Variants in SENP1 observed in about 807,000 individuals in gnomAD.
SENP1 encodes the protein SUMO specific peptidase 1.
Under a neutral mutation model 93.0 loss-of-function variants are expected in SENP1, and 21 were observed. The observed-to-expected ratio is 0.23, with a 90% CI of 0.16 to 0.33. The LOEUF (loss-of-function observed/expected upper bound fraction) is 0.33. Among genes scored for constraint, SENP1 ranks in the 10% least tolerant of loss-of-function variants. SENP1 has a pLI of 1.00. For missense variants in SENP1, 591 were observed against 758.7 expected, an observed-to-expected ratio of 0.78 and a Z score of 2.60; for synonymous variants, 256 against 259.6, an observed-to-expected ratio of 0.99 and a Z score of 0.13.
intron 13 of SENP1, among the ~76,000 whole-genome samples, chr12:48,054,083 G>A (rs1007520159): frequency 1.3e-5 from 2 of 152,140 alleles, no homozygotes; most frequent in African/African-American, 2.4e-5. Flanking sequence ...CGTAGGATAG[G>A]GCATAGAGGG....
At chr12:48,075,252 A>AAAAC (rs778649711) in intron 6 of SENP1, among the ~76,000 whole-genome samples, 1 of 152,038 alleles carries the variant, frequency 6.6e-6, no homozygotes, top group South Asian at 2.1e-4. Flanking sequence ...AAAACAAAAC[A>AAAAC]AAAATTATCA....
chr12:48,084,484 C>T (rs1368816673), intron 5 of SENP1, among the ~76,000 whole-genome samples: 3 of 120,228 alleles, frequency 2.5e-5, no homozygotes, highest in Non-Finnish European at 4.9e-5. Context: ...GAATCTTGCT[C>T]TGTCACTCAG....
chr12:48,085,917 GT>G (rs199882529), intron 5 of SENP1, among the ~76,000 whole-genome samples: 2 of 151,802 alleles, frequency 1.3e-5, no homozygotes, highest in South Asian at 4.2e-4. Flanking sequence ...GCCTATGCAT[GT>G]TTTTTTTAAC....
At chr12:48,058,325 G>A (rs183552053) in intron 13 of SENP1, among the ~76,000 whole-genome samples, 2 of 152,226 alleles carry the variant, frequency 1.3e-5, no homozygotes, top group East Asian at 3.9e-4. Context: ...CAATGTTGAC[G>A]TAGATAATTT....
intron 6 of SENP1, among the ~76,000 whole-genome samples, chr12:48,082,591 A>G (rs573406020): frequency 4.2e-4 from 64 of 151,842 alleles, no homozygotes; most frequent in Non-Finnish European, 7.5e-4. Flanking sequence ...GGTAATTATT[A>G]TTCATTTGTA....
At chr12:48,046,178 A>C (rs1014085632) in intron 17 of SENP1, among the ~76,000 whole-genome samples, 178 bp downstream of exon 17, 1 of 152,114 alleles carries the variant, frequency 6.6e-6, no homozygotes, top group Admixed American at 6.6e-5. Context: ...CTTATCACTA[A>C]TTTTCTTTCT....
intron 9 of SENP1, among the ~76,000 whole-genome samples, chr12:48,068,237 G>T (rs1169994035): frequency 6.6e-6 from 1 of 152,002 alleles, no homozygotes; most frequent in Non-Finnish European, 1.5e-5. Flanking sequence ...ATGGATCAAG[G>T]TATCCACTGG....
chr12:48,069,876 G>A (rs542072133), intron 9 of SENP1, among the ~76,000 whole-genome samples: 21 of 152,122 alleles, frequency 1.4e-4, no homozygotes, highest in Non-Finnish European at 3.1e-4. Context: ...AGAACATATG[G>A]GGAGCTGCAA....
At position 48,092,469 on chromosome 12, in the gene SENP1, C is replaced by G. The variant is rs75916302; in HGVS notation, c.221-3509G>C. Among the ~76,000 whole-genome samples the G allele has an allele frequency of 9.3e-3, 1,410 of 152,238 alleles. 19 individuals carry two copies. The highest frequency in any genetic ancestry group is 0.032 in the African/African-American group (1,329 of 41,542). On this transcript the variant is annotated intron_variant, in intron 4 of 17. Coordinates refer to ENST00000549518, the MANE Select transcript of SENP1 (RefSeq NM_001267594.2). The stretch of plus-strand genomic sequence containing the variant: ...AAAATATATATAGACCACTGACGTT[C>G]ACAGATTTAAATTCCTGATTTTTAG...
chr12:48,077,327 C>CA (rs969629684), intron 6 of SENP1, among the ~76,000 whole-genome samples: 7 of 152,168 alleles, frequency 4.6e-5, no homozygotes, highest in East Asian at 3.9e-4. Context: ...CGTGCAAATC[C>CA]AAAAAAATCA....
At chr12:48,057,941 C>CTTTTTTTTTTT (rs370210767) in intron 13 of SENP1, among the ~76,000 whole-genome samples, 2 of 85,684 alleles carry the variant, frequency 2.3e-5, no homozygotes, top group Non-Finnish European at 4.1e-5. Context: ...TTTATTTCCT[C>CTTTTTTTTTTT]TTTTTTTTTT....
chr12:48,092,892 G>C (rs753467509), intron 4 of SENP1, among the ~76,000 whole-genome samples: 12 of 152,116 alleles, frequency 7.9e-5, no homozygotes, highest in Non-Finnish European at 1.6e-4. Flanking sequence ...GAATATCAAG[G>C]GTTTACTAAA....
At chr12:48,055,817 T>C (rs1445281360) in intron 13 of SENP1, among the ~76,000 whole-genome samples, 2 of 145,020 alleles carry the variant, frequency 1.4e-5, no homozygotes, top group African/African-American at 5.0e-5. Flanking sequence ...TATATCATAT[T>C]AATATATATT....
At chr12:48,089,201 T>C (rs2137202699) in intron 4 of SENP1, 10 of 1,497,508 alleles carry the variant, frequency 6.7e-6, no homozygotes, top group Non-Finnish European at 8.1e-6. Flanking sequence ...GCCACAGCCA[T>C]GTGCCTTATC....
At chr12:48,069,097 G>A (rs2136996468) in intron 9 of SENP1, among the ~76,000 whole-genome samples, 1 of 134,308 alleles carries the variant, frequency 7.4e-6, no homozygotes, top group East Asian at 2.6e-4. Flanking sequence ...AGGTTGCAGT[G>A]AGCAGAGATT....
At chr12:48,065,715 C>A (rs1315634389) in intron 10 of SENP1, 35 bp from the exon 11 acceptor site, 3 of 1,305,510 alleles carry the variant, frequency 2.3e-6, no homozygotes, top group East Asian at 5.0e-5. Context: ...CAAATGTAGA[C>A]CACTCTCATT....
At chr12:48,048,510 CA>C (rs1370916497) in intron 14 of SENP1, among the ~76,000 whole-genome samples, 4 of 152,140 alleles carry the variant, frequency 2.6e-5, no homozygotes, top group Admixed American at 2.6e-4. Context: ...TAATCCAAAA[CA>C]GACTGTGAAA....
chr12:48,062,766 C>A (rs1396864671), intron 13 of SENP1, among the ~76,000 whole-genome samples: 1 of 152,180 alleles, frequency 6.6e-6, no homozygotes, highest in Non-Finnish European at 1.5e-5. Context: ...ACTATCATAT[C>A]TACTTCCAAA....
chr12:48,097,945 T>C (rs569222789), intron 3 of SENP1, 49 bp downstream of exon 3: 8 of 1,560,834 alleles, frequency 5.1e-6, no homozygotes, highest in African/African-American at 2.7e-5. Flanking sequence ...TGAAAACTTA[T>C]GATGAGCCCA....
Sources: allele counts gnomAD v4.1 joint callset (sites outside exome capture counted in the v4.1 genomes callset), GRCh38; gene constraint gnomAD v4.1.1; transcripts MANE v1.5; gene names NCBI Gene and HGNC (gene_info 2026-07-23, HGNC 2026-07-21).